Variants in NLGN1 observed in about 807,000 individuals in gnomAD.
NLGN1 encodes the protein neuroligin 1.
In NLGN1, 12 loss-of-function variants were observed where a neutral mutation model predicts 65.5. That is an observed-to-expected ratio of 0.18 (90% confidence interval 0.12 to 0.30). The LOEUF (loss-of-function observed/expected upper bound fraction) is 0.30. NLGN1 is among the 10% of genes least tolerant of loss of function. The probability of loss-of-function intolerance (pLI) is 1.00; values close to 1 mark genes in which losing one functional copy is unlikely to be tolerated. For missense variants in NLGN1, 750 were observed against 1,007.1 expected (o/e 0.74, Z 3.46); for synonymous variants, 350 against 359.5 (o/e 0.97, Z 0.30).
chr3:174,058,969 G>A lies in NLGN1; in HGVS notation c.647-216346G>A, dbSNP rs145421725. On this transcript the variant is annotated intron_variant, in intron 4 of 6. Coordinates refer to ENST00000457714, the Ensembl canonical transcript of NLGN1. ...TTACACTCAACCCTGCAGGCTTGAG[G>A]ATGAAATATGAATAATCTGATCTAC... Among the ~76,000 whole-genome samples, 949 of 152,214 alleles carry A rather than the reference G, an allele frequency of 6.2e-3. 23 individuals carry two copies. Among genetic ancestry groups the A allele is most frequent in the East Asian group, 0.037 (193 of 5,170 alleles).
At chr3:173,398,371 C>T (rs1272084360), upstream of NLGN1, 1 of 152,166 alleles carries the variant, frequency 6.6e-6, no homozygotes, top group East Asian at 1.9e-4. Context: ...AGATCCCCCG[C>T]GTTGAGCAAC....
At chr3:174,284,042 T>A (rs535338330) in exon 7 of NLGN1, 1 of 151,524 alleles carries the variant, frequency 6.6e-6, no homozygotes, top group South Asian at 2.1e-4. Flanking sequence ...TCTATTGCTC[T>A]GCATTTATCA....
At chr3:173,769,614 C>T (rs1213592601) in intron 3 of NLGN1, among the ~76,000 whole-genome samples, 1 of 152,172 alleles carries the variant, frequency 6.6e-6, no homozygotes, top group Non-Finnish European at 1.5e-5. Context: ...GTCTCAAGAA[C>T]CTTTTTATTT....
At chr3:174,260,053 A>G (rs1235677067) in intron 4 of NLGN1, among the ~76,000 whole-genome samples, 1 of 151,976 alleles carries the variant, frequency 6.6e-6, no homozygotes, top group Non-Finnish European at 1.5e-5. Context: ...CATGGTGTAT[A>G]TGTGCCACAT....
chr3:173,866,277 G>A (rs1192151505), intron 4 of NLGN1, among the ~76,000 whole-genome samples: 1 of 152,102 alleles, frequency 6.6e-6, no homozygotes, highest in East Asian at 1.9e-4. Flanking sequence ...GCTTGAACCC[G>A]GGAGGCGGAG....
intron 4 of NLGN1, among the ~76,000 whole-genome samples, chr3:174,067,926 G>C (rs1267467053): frequency 1.3e-5 from 2 of 152,168 alleles, no homozygotes; most frequent in Non-Finnish European, 2.9e-5. Context: ...TCTACGAATA[G>C]CATACCCTAG....
At chr3:173,957,957 C>G (rs1162831914) in intron 4 of NLGN1, among the ~76,000 whole-genome samples, 2 of 152,138 alleles carry the variant, frequency 1.3e-5, no homozygotes, top group Non-Finnish European at 2.9e-5. Flanking sequence ...TGGGTCCAGC[C>G]ACTGCACACA....
chr3:174,184,465 T>G (rs1183058240), intron 4 of NLGN1, among the ~76,000 whole-genome samples: 2 of 152,180 alleles, frequency 1.3e-5, no homozygotes, highest in African/African-American at 4.8e-5. Flanking sequence ...CTCCCAAAAT[T>G]TTAATACTTT....
intron 2 of NLGN1, among the ~76,000 whole-genome samples, chr3:173,525,408 G>C (rs749987377): frequency 6.6e-6 from 1 of 152,066 alleles, no homozygotes; most frequent in African/African-American, 2.4e-5. Flanking sequence ...TGCACATGGA[G>C]ACATTCATAG....
At chr3:173,755,420 A>G (rs1172277817) in intron 3 of NLGN1, among the ~76,000 whole-genome samples, 1 of 152,134 alleles carries the variant, frequency 6.6e-6, no homozygotes, top group East Asian at 1.9e-4. Context: ...AGTTTGCAAT[A>G]TCTATATTTT....
At chr3:173,888,422 T>A (rs765523138) in intron 4 of NLGN1, among the ~76,000 whole-genome samples, 43 of 152,214 alleles carry the variant, frequency 2.8e-4, no homozygotes, top group African/African-American at 9.1e-4. Context: ...ACTGTAATTT[T>A]AAAAATATTT....
intron 4 of NLGN1, among the ~76,000 whole-genome samples, chr3:173,838,087 G>C (rs1045369490): frequency 6.6e-6 from 1 of 152,094 alleles, no homozygotes; most frequent in Non-Finnish European, 1.5e-5. Context: ...ATTGAGTGTA[G>C]AATGAGATTT....
At chr3:173,481,133 C>T (rs1056198603) in intron 2 of NLGN1, among the ~76,000 whole-genome samples, 2 of 152,010 alleles carry the variant, frequency 1.3e-5, no homozygotes, top group African/African-American at 4.8e-5. Context: ...GTTCCAGAAT[C>T]TGTGCCCCCA....
At chr3:173,484,507 A>C (rs1023639743) in intron 2 of NLGN1, among the ~76,000 whole-genome samples, 8 of 152,162 alleles carry the variant, frequency 5.3e-5, no homozygotes, top group African/African-American at 1.9e-4. Context: ...CTGGCAAAAA[A>C]ATTCACAGAC....
At chr3:174,020,850 T>G (rs1279135106) in intron 4 of NLGN1, among the ~76,000 whole-genome samples, 2 of 152,154 alleles carry the variant, frequency 1.3e-5, no homozygotes, top group African/African-American at 2.4e-5. Context: ...CTTACATAAA[T>G]GTCTGGAATC....
chr3:174,042,887 T>G (rs1209710312), intron 4 of NLGN1, among the ~76,000 whole-genome samples: 1 of 152,144 alleles, frequency 6.6e-6, no homozygotes, highest in Non-Finnish European at 1.5e-5. Flanking sequence ...TGCCCTGTAT[T>G]AGTTCCTTCT....
chr3:173,628,946 G>A (rs1469556162), intron 3 of NLGN1, among the ~76,000 whole-genome samples: 4 of 151,774 alleles, frequency 2.6e-5, no homozygotes, highest in South Asian at 2.1e-4. Flanking sequence ...CACACACCTC[G>A]GCCTCCCAAA....
At chr3:173,624,866 C>T (rs1348169003) in intron 3 of NLGN1, among the ~76,000 whole-genome samples, 1 of 147,206 alleles carries the variant, frequency 6.8e-6, no homozygotes, top group Non-Finnish European at 1.5e-5. Context: ...TTTATCCACT[C>T]TCTCTTTATT....
At chr3:174,189,777 G>T (rs1732051574) in intron 4 of NLGN1, among the ~76,000 whole-genome samples, 2 of 151,872 alleles carry the variant, frequency 1.3e-5, no homozygotes, top group Admixed American at 1.3e-4. Flanking sequence ...AAGGGAGACA[G>T]TTCATTAAAA....
Sources: gnomAD v4.1 joint callset for allele counts (sites outside exome capture counted in the v4.1 genomes callset) on GRCh38, gnomAD v4.1.1 for gene constraint, MANE v1.5 for transcripts, NCBI Gene and HGNC (gene_info 2026-07-23, HGNC 2026-07-21) for gene names.